TBC1D32: variants seen among roughly 807,000 people sequenced by gnomAD.
TBC1D32 encodes the protein TBC1 domain family member 32.
In TBC1D32, 151 loss-of-function variants were observed where a neutral mutation model predicts 170.3. The observed-to-expected ratio is 0.89, with a 90% CI of 0.78 to 1.01. The LOEUF is 1.01. Among genes scored for constraint, TBC1D32 ranks in the 50% least tolerant of loss-of-function variants. The pLI is 0.00. For synonymous variants in TBC1D32, 498 were observed against 488.0 expected, an observed-to-expected ratio of 1.02 and a Z score of -0.27; for missense variants, 1,464 against 1,457.1, an observed-to-expected ratio of 1.00 and a Z score of -0.08.
intron 31 of TBC1D32, among the ~76,000 whole-genome samples, chr6:121,089,936 C>CTTT (rs778272700): frequency 7.2e-6 from 1 of 138,726 alleles, no homozygotes; most frequent in African/African-American, 2.6e-5. Flanking sequence ...TTCAAAGATT[C>CTTT]TTTTTTTTTT....
intron 19 of TBC1D32, among the ~76,000 whole-genome samples, chr6:121,240,458 T>C (rs1035955251): frequency 7.8e-5 from 11 of 141,082 alleles, no homozygotes; most frequent in Non-Finnish European, 1.7e-4. Context: ...AAATATACTA[T>C]AGGAAAAATA....
chr6:121,296,679 A>G (rs1805689025), intron 10 of TBC1D32, among the ~76,000 whole-genome samples: 1 of 152,050 alleles, frequency 6.6e-6, no homozygotes, highest in Admixed American at 6.6e-5. Flanking sequence ...TGCTTGCACT[A>G]TTATACAATG....
intron 8 of TBC1D32, among the ~76,000 whole-genome samples, chr6:121,304,047 T>C (rs1246070147): frequency 1.3e-5 from 2 of 151,696 alleles, no homozygotes; most frequent in Non-Finnish European, 2.9e-5. Flanking sequence ...TTAAGGAACT[T>C]GTCCAAAATG....
At chr6:121,183,337 C>T (rs1323697990) in intron 22 of TBC1D32, among the ~76,000 whole-genome samples, 3 of 152,066 alleles carry the variant, frequency 2.0e-5, no homozygotes, top group Non-Finnish European at 4.4e-5. Flanking sequence ...GTCTAGTACC[C>T]TTGAGGATAC....
At chr6:121,178,434 G>T (rs811484) in intron 22 of TBC1D32, among the ~76,000 whole-genome samples, 2 of 152,000 alleles carry the variant, frequency 1.3e-5, no homozygotes, top group Non-Finnish European at 2.9e-5. Context: ...TGCTATGCAC[G>T]TAATAGGCTA....
rs1775504414 is a variant in TBC1D32 at position 121,080,210 on chromosome 6, T to C, written c.*561A>G. 6.5e-6 allele frequency: 1 copy of C among 154,710 alleles called. No individual in the cohort carries two copies. The highest frequency in any genetic ancestry group is 1.4e-5 in the Non-Finnish European group (1 of 71,176). The allele number at this position is 154,710 out of a possible 1,614,324, so 9.6% of individuals were successfully genotyped here. A position where few individuals can be genotyped will look rare whatever the true frequency, so the allele number is the denominator to read the frequency against. On this transcript the variant is annotated 3_prime_UTR_variant, in exon 32 of 32. Transcript: ENST00000398212. The stretch of plus-strand genomic sequence containing the variant: ...TCATCTGAATAAAGGAGATGTAAGT[T>C]GGGACTTTTTTTTTTTTTTTTTTTT...
intron 26 of TBC1D32, among the ~76,000 whole-genome samples, chr6:121,117,510 T>C (rs1779805839): frequency 6.6e-6 from 1 of 152,094 alleles, no homozygotes; most frequent in Non-Finnish European, 1.5e-5. Context: ...AAGACCAGCC[T>C]CGCCAACATG....
At chr6:121,258,355 A>G (rs1799311338) in intron 15 of TBC1D32, among the ~76,000 whole-genome samples, 1 of 152,118 alleles carries the variant, frequency 6.6e-6, no homozygotes, top group African/African-American at 2.4e-5. Flanking sequence ...CTGCATGAAT[A>G]TGTCACTAAC....
chr6:121,195,948 T>C (rs1166417210), intron 22 of TBC1D32, among the ~76,000 whole-genome samples: 2 of 152,214 alleles, frequency 1.3e-5, no homozygotes, highest in Non-Finnish European at 2.9e-5. Flanking sequence ...TCATGGGCTG[T>C]AGCCAGTGGT....
At chr6:121,177,416 T>C (rs1309831694) in intron 22 of TBC1D32, among the ~76,000 whole-genome samples, 4 of 152,208 alleles carry the variant, frequency 2.6e-5, no homozygotes, top group Non-Finnish European at 4.4e-5. Context: ...GGACGCTTCC[T>C]GAGGCCTCCC....
chr6:121,242,286 G>A lies in TBC1D32; in HGVS notation c.2072C>T (p.Pro691Leu), dbSNP rs1302582365. ...LDDLLHFAAT[P>L]KGLLLLQRTG... The stretch of plus-strand genomic sequence containing the variant: ...TCTTTGAAGAAGTAGTAATCCTTTG[G>A]GGGTGGCAGCAAAATGTAGTAAATC... The change falls in exon 18 of 32, where the codon CCC becomes CTC. Residue 691 changes from proline to leucine, a missense_variant. Transcript: ENST00000398212. The A allele has an allele frequency of 6.2e-7, 1 of 1,612,544 alleles. No homozygotes were observed. Among genetic ancestry groups the A allele is most frequent in the East Asian group, 2.2e-5 (1 of 44,702 alleles).
At chr6:121,087,345 T>A (rs2128172211) in intron 31 of TBC1D32, among the ~76,000 whole-genome samples, 1 of 152,300 alleles carries the variant, frequency 6.6e-6, no homozygotes, top group East Asian at 1.9e-4. Flanking sequence ...ATATATTGAT[T>A]TGGAATCATG....
At position 121,120,253 on chromosome 6, in the gene TBC1D32, T is replaced by C. The variant is rs1049219372; in HGVS notation, c.2984-5012A>G. 3.9e-5 allele frequency among the ~76,000 whole-genome samples: 6 copies of C among 152,202 alleles called. No individual in the cohort carries two copies. The East Asian group carries it at 7.7e-4, about 20-fold the overall frequency. ...AATCCGCATTCAGGGTTTATCTGCC[T>C]AGCTAATACATTCAACAAAGCCGAC... On this transcript the variant is annotated intron_variant, in intron 26 of 31. Coordinates refer to ENST00000398212, the MANE Select transcript of TBC1D32 (RefSeq NM_152730.6).
intron 17 of TBC1D32, among the ~76,000 whole-genome samples, chr6:121,253,724 A>C (rs1405122714): frequency 6.6e-6 from 1 of 152,158 alleles, no homozygotes; most frequent in Non-Finnish European, 1.5e-5. Context: ...GTCTCAAAAA[A>C]AAAAGTCAAA....
At chr6:121,250,704 C>A (rs1798174844) in intron 17 of TBC1D32, among the ~76,000 whole-genome samples, 1 of 152,080 alleles carries the variant, frequency 6.6e-6, no homozygotes, top group East Asian at 1.9e-4. Flanking sequence ...TCTCACCACT[C>A]CTACTGAACA....
chr6:121,264,111 A>G (rs1158120092), intron 15 of TBC1D32, among the ~76,000 whole-genome samples: 1 of 152,318 alleles, frequency 6.6e-6, no homozygotes, highest in East Asian at 1.9e-4. Flanking sequence ...AGAGACGGAC[A>G]TGAAAACCCT....
intron 15 of TBC1D32, among the ~76,000 whole-genome samples, chr6:121,275,941 G>A (rs1315726153): frequency 2.0e-5 from 3 of 151,810 alleles, no homozygotes; most frequent in Admixed American, 6.6e-5. Context: ...TCTGGGAAAC[G>A]TGGTGAAACC....
chr6:121,150,008 CCT>C (rs1784006223), intron 24 of TBC1D32, among the ~76,000 whole-genome samples: 1 of 150,586 alleles, frequency 6.6e-6, no homozygotes, highest in African/African-American at 2.4e-5. Flanking sequence ...TATTTTATAC[CCT>C]CTCTTGCTAG....
intron 1 of TBC1D32, among the ~76,000 whole-genome samples, chr6:121,325,375 T>G (rs1207208242): frequency 3.2e-5 from 1 of 31,154 alleles, no homozygotes; most frequent in African/African-American, 4.8e-5. Context: ...GACTTCAAAC[T>G]ATAAGATACA....
Sources: allele counts gnomAD v4.1 joint callset (sites outside exome capture counted in the v4.1 genomes callset), GRCh38; gene constraint gnomAD v4.1.1; transcripts MANE v1.5; gene names NCBI Gene and HGNC (gene_info 2026-07-23, HGNC 2026-07-21).